GPR158: variants seen among roughly 807,000 people sequenced by gnomAD.
GPR158 encodes the protein metabotropic glycine receptor.
A neutral mutation model predicts 78.2 loss-of-function variants in GPR158; 30 were observed. The ratio of observed to expected loss-of-function variants is 0.38; its 90% CI spans 0.29 to 0.52. GPR158 has a LOEUF of 0.52. Ranked by LOEUF, GPR158 falls within the 20% of genes least tolerant of loss-of-function variation. The pLI, the probability that GPR158 is intolerant of heterozygous loss-of-function variation, is 0.83. For synonymous variants in GPR158, 581 were observed against 591.1 expected (o/e 0.98, Z 0.25); for missense variants, 1,463 against 1,523.5 (o/e 0.96, Z 0.66).
At chr10:25,284,665 C>T (rs561267204) in intron 2 of GPR158, among the ~76,000 whole-genome samples, 17 of 151,844 alleles carry the variant, frequency 1.1e-4, no homozygotes, top group Admixed American at 5.2e-4. Context: ...TCTTGCTATG[C>T]ATTTTTTATT....
At chr10:25,466,835 G>A (rs145302679) in intron 5 of GPR158, 116 bp downstream of exon 5, 106 of 511,504 alleles carry the variant, frequency 2.1e-4, no homozygotes, top group Non-Finnish European at 3.3e-4. Flanking sequence ...ACTAGGAAGT[G>A]TGGAGGTTTT....
At chr10:25,431,706 G>T (rs1232474986) in intron 4 of GPR158, among the ~76,000 whole-genome samples, 1 of 151,776 alleles carries the variant, frequency 6.6e-6, no homozygotes, top group African/African-American at 2.4e-5. Flanking sequence ...CATGTCCTTT[G>T]TAGGAACATG....
intron 2 of GPR158, among the ~76,000 whole-genome samples, chr10:25,232,853 A>G (rs1485803019): frequency 6.6e-6 from 1 of 152,226 alleles, no homozygotes; most frequent in Non-Finnish European, 1.5e-5. Context: ...TGTCTCTAAA[A>G]TGCACAAGAT....
At chr10:25,504,088 G>A (rs576617133) in intron 5 of GPR158, among the ~76,000 whole-genome samples, 10 of 151,802 alleles carry the variant, frequency 6.6e-5, no homozygotes, top group Middle Eastern at 3.4e-3. Flanking sequence ...ATAGGGTTTC[G>A]CCATATCAGC....
chr10:25,322,380 C>CA (rs532114546), intron 2 of GPR158, among the ~76,000 whole-genome samples: 22,408 of 128,660 alleles, frequency 0.17, 3,409 homozygotes, highest in African/African-American at 0.42. Flanking sequence ...GACTCCGTCT[C>CA]AAAAAAAAAA....
intron 2 of GPR158, among the ~76,000 whole-genome samples, chr10:25,371,221 C>G (rs1360202237): frequency 6.7e-6 from 1 of 149,712 alleles, no homozygotes; most frequent in Admixed American, 6.7e-5. Context: ...ATGATGTTAG[C>G]TGGTTATTTT....
rs201391296 is a variant in GPR158, at chr10:25,580,918, A to AT, written c.1753+8035dup. Among the ~76,000 whole-genome samples the AT allele has an allele frequency of 2.0e-3, 213 of 109,048 alleles. 2 individuals carry two copies. Among genetic ancestry groups the AT allele is most frequent in the Middle Eastern group, 4.5e-3 (1 of 224 alleles). 71.5% of individuals were successfully genotyped at this position (109,048 alleles called of 152,430 possible). A position where few individuals can be genotyped will look rare whatever the true frequency, so the allele number is the denominator to read the frequency against. On this transcript the variant is annotated intron_variant, in intron 7 of 10. Transcript: ENST00000376351. ...TTTTTTTATTTTTTTATTTTATTTT[A>AT]TTTTATTTTATTTTTTTGAGACGGA...
rs143964559 is a variant in GPR158, at chr10:25,180,557, A to G, written c.902+4235A>G. 2.4e-4 allele frequency among the ~76,000 whole-genome samples: 36 copies of G among 152,322 alleles called. 1 individual carries two copies. The East Asian group carries it at 6.9e-3, about 29-fold the overall frequency. On this transcript the variant is annotated intron_variant, in intron 1 of 10. Coordinates refer to ENST00000376351, the MANE Select transcript of GPR158 (RefSeq NM_020752.3). ...ATATACACTTACTCTTTTTGGGCCA[A>G]CAATGCAACCAAGTATGTTGTACAG...
chr10:25,530,813 C>G (rs1201482583), intron 5 of GPR158, among the ~76,000 whole-genome samples: 1 of 152,206 alleles, frequency 6.6e-6, no homozygotes, highest in African/African-American at 2.4e-5. Context: ...ACAATTCTTT[C>G]TTCATCAGTA....
intron 1 of GPR158, among the ~76,000 whole-genome samples, 189 bp from the exon 2 acceptor site, chr10:25,220,863 A>G (rs1489726184): frequency 2.0e-5 from 3 of 152,210 alleles, no homozygotes; most frequent in Non-Finnish European, 4.4e-5. Flanking sequence ...TTGGACTTAC[A>G]TAAAGCCAAT....
intron 6 of GPR158, 124 bp from the exon 7 acceptor site, chr10:25,572,525 C>T (rs1588918095): frequency 1.3e-6 from 1 of 741,774 alleles, no homozygotes. Flanking sequence ...AAATACAAAA[C>T]AAAGCAAACT....
chr10:25,454,421 G>T (rs1455645843), intron 4 of GPR158, among the ~76,000 whole-genome samples: 1 of 152,130 alleles, frequency 6.6e-6, no homozygotes, highest in African/African-American at 2.4e-5. Flanking sequence ...GACAGATTAA[G>T]GCGTGGAAGA....
intron 2 of GPR158, among the ~76,000 whole-genome samples, chr10:25,231,894 C>T (rs1427993941): frequency 6.6e-6 from 1 of 152,138 alleles, no homozygotes; most frequent in Admixed American, 6.6e-5. Flanking sequence ...TTTGAAGCTT[C>T]TCTGTGACCT....
At chr10:25,291,859 G>C (rs1352093316) in intron 2 of GPR158, among the ~76,000 whole-genome samples, 1 of 150,652 alleles carries the variant, frequency 6.6e-6, no homozygotes, top group South Asian at 2.1e-4. Context: ...AATATTAATA[G>C]CTGAGAAAGC....
chr10:25,601,897 CA>C lies in GPR158; in HGVS notation c.*2625del. On this transcript the variant is annotated 3_prime_UTR_variant, in exon 11 of 11. Transcript: ENST00000376351. ...TTTTATGCAAGAATTAAATGCTTTA[CA>C]ACATGAAGTATAACTCAACCCATTG... 1 of 152,586 alleles carries C rather than the reference CA, an allele frequency of 6.6e-6. No homozygotes were observed. The highest frequency in any genetic ancestry group is 1.5e-5 in the Non-Finnish European group (1 of 68,018). The allele number at this position is 152,586 out of a possible 1,614,324, so 9.5% of individuals were successfully genotyped here.
chr10:25,302,952 T>C (rs1854620270), intron 2 of GPR158, among the ~76,000 whole-genome samples: 2 of 152,238 alleles, frequency 1.3e-5, no homozygotes, highest in Non-Finnish European at 2.9e-5. Flanking sequence ...TGTGATTTAT[T>C]TCTTTGACTC....
chr10:25,448,266 T>A (rs1835165915), intron 4 of GPR158, among the ~76,000 whole-genome samples: 1 of 151,686 alleles, frequency 6.6e-6, no homozygotes, highest in Admixed American at 6.6e-5. Flanking sequence ...TTGTATTTTT[T>A]TTTTTAGTAG....
chr10:25,264,194 C>G (rs904534939), intron 2 of GPR158, among the ~76,000 whole-genome samples: 1 of 152,188 alleles, frequency 6.6e-6, no homozygotes, highest in Admixed American at 6.5e-5. Context: ...TGAATCTGCA[C>G]TGGCTCTTTG....
intron 2 of GPR158, among the ~76,000 whole-genome samples, chr10:25,230,228 A>G (rs941262063): frequency 6.6e-6 from 1 of 152,232 alleles, no homozygotes; most frequent in Admixed American, 6.5e-5. Context: ...TATCTTTCTG[A>G]TCATAGGAAG....
Sources: gnomAD v4.1 joint callset for allele counts (sites outside exome capture counted in the v4.1 genomes callset) on GRCh38, gnomAD v4.1.1 for gene constraint, MANE v1.5 for transcripts, NCBI Gene and HGNC (gene_info 2026-07-23, HGNC 2026-07-21) for gene names.